Variants in P2RY14 observed in about 807,000 individuals in gnomAD.
P2RY14 encodes the protein purinergic receptor P2Y14, also known as P2Y purinoceptor 14.
P2RY14 carries 2 observed loss-of-function variants against 0.9 expected under a neutral mutation model. The ratio of observed to expected loss-of-function variants is 2.16; its 90% confidence interval spans 0.88 to 6.79. The LOEUF (loss-of-function observed/expected upper bound fraction) is 6.79. P2RY14 is among the 30% of genes most tolerant of loss of function. P2RY14 has a pLI of 0.05. For missense variants in P2RY14, 378 were observed against 400.1 expected (o/e 0.94, Z 0.47); for synonymous variants, 158 against 147.2 (o/e 1.07, Z -0.53).
chr3:151,229,473 ATT>A (rs59434401), intron 1 of P2RY14, among the ~76,000 whole-genome samples: 2,965 of 89,968 alleles, frequency 0.033, 35 homozygotes, highest in Middle Eastern at 0.065. Flanking sequence ...TGCCCGGCTA[ATT>A]TTTTTTTTTT....
At chr3:151,220,054 ATTAT>A (rs898126595) in intron 1 of P2RY14, among the ~76,000 whole-genome samples, 1 of 149,660 alleles carries the variant, frequency 6.7e-6, no homozygotes, top group Non-Finnish European at 1.5e-5. Context: ...GGGCCAGATA[ATTAT>A]TTATTTTTGG....
At position 151,275,266 on chromosome 3, in the gene P2RY14, A is replaced by C. The variant is rs1577206308; in HGVS notation, c.-133+3021T>G. Reference sequence around the variant, plus strand: ...ACAGATCGCTTTGGGCCAACCTCAGAAGCCAACTAACTGATCTTTTCCTCT... The same window carrying C: ...ACAGATCGCTTTGGGCCAACCTCAGCAGCCAACTAACTGATCTTTTCCTCT... On this transcript the variant is annotated intron_variant, in intron 1 of 2. Coordinates refer to ENST00000309170, the MANE Select transcript of P2RY14 (RefSeq NM_014879.4). 2.6e-5 allele frequency among the ~76,000 whole-genome samples: 4 copies of C among 152,254 alleles called. No individual in the cohort carries two copies. The South Asian group carries it at 8.3e-4, about 32-fold the overall frequency.
chr3:151,219,259 C>CT (rs1728853306), intron 2 of P2RY14, among the ~76,000 whole-genome samples: 1 of 152,212 alleles, frequency 6.6e-6, no homozygotes, highest in African/African-American at 2.4e-5. Flanking sequence ...TCAGGGTTCT[C>CT]TCTTTGGACA....
intron 1 of P2RY14, among the ~76,000 whole-genome samples, chr3:151,257,572 C>T (rs193263465): frequency 6.6e-6 from 1 of 152,184 alleles, no homozygotes; most frequent in African/African-American, 2.4e-5. Flanking sequence ...GAATATTGTT[C>T]TGTATGCCTG....
intron 1 of P2RY14, among the ~76,000 whole-genome samples, chr3:151,237,753 T>C (rs1015675274): frequency 6.6e-6 from 1 of 152,224 alleles, no homozygotes; most frequent in Non-Finnish European, 1.5e-5. Flanking sequence ...TCTTTTCAGA[T>C]TAAAAATTTT....
At chr3:151,235,873 A>C (rs983657419) in intron 1 of P2RY14, among the ~76,000 whole-genome samples, 6 of 152,066 alleles carry the variant, frequency 3.9e-5, no homozygotes, top group African/African-American at 1.4e-4. Context: ...CATCTAACAT[A>C]GCCATTCCCC....
chr3:151,252,369 G>A (rs912503951), intron 1 of P2RY14, among the ~76,000 whole-genome samples: 3 of 152,048 alleles, frequency 2.0e-5, no homozygotes, highest in African/African-American at 7.2e-5. Context: ...TCATCGCTAA[G>A]ATCTGATTTT....
chr3:151,216,494 A>G (rs541953551), intron 2 of P2RY14, among the ~76,000 whole-genome samples: 2 of 152,224 alleles, frequency 1.3e-5, no homozygotes, highest in Non-Finnish European at 2.9e-5. Context: ...TGCTTCCTAC[A>G]CAAGAATATC....
At chr3:151,217,610 G>GT (rs1293163082) in intron 2 of P2RY14, among the ~76,000 whole-genome samples, 2 of 152,204 alleles carry the variant, frequency 1.3e-5, no homozygotes, top group African/African-American at 2.4e-5. Flanking sequence ...AGGGTGGGAG[G>GT]TTTTAGACAT....
chr3:151,215,596 T>A (rs984905658), intron 2 of P2RY14, among the ~76,000 whole-genome samples: 5 of 152,228 alleles, frequency 3.3e-5, no homozygotes, highest in Admixed American at 6.5e-5. Context: ...TCCTGTATAT[T>A]CTTCACTGAT....
At chr3:151,245,985 CAGAG>C (rs1260637604) in intron 1 of P2RY14, among the ~76,000 whole-genome samples, 9 of 150,796 alleles carry the variant, frequency 6.0e-5, no homozygotes, top group Non-Finnish European at 1.2e-4. Context: ...AACAGACAAA[CAGAG>C]AGCCAAATCA....
intron 1 of P2RY14, among the ~76,000 whole-genome samples, chr3:151,242,366 A>C (rs1029153269): frequency 1.3e-5 from 2 of 152,236 alleles, no homozygotes; most frequent in African/African-American, 4.8e-5. Flanking sequence ...GCAGACTTAA[A>C]TGTCCCTGTC....
At chr3:151,250,534 T>G (rs1736645262) in intron 1 of P2RY14, among the ~76,000 whole-genome samples, 2 of 152,330 alleles carry the variant, frequency 1.3e-5, no homozygotes, top group Middle Eastern at 6.8e-3. Flanking sequence ...GTATTTGTCC[T>G]TTTTTGACTG....
intron 1 of P2RY14, among the ~76,000 whole-genome samples, chr3:151,264,327 GT>G (rs1379147802): frequency 1.3e-5 from 2 of 152,206 alleles, no homozygotes; most frequent in Non-Finnish European, 2.9e-5. Context: ...ATAAAATTAA[GT>G]AATTATTGGA....
Position 151,214,072 on chromosome 3 carries a change from G to C in P2RY14, c.245C>G (p.Ser82Ter). The C allele has an allele frequency of 1.2e-6, 2 of 1,614,158 alleles. No individual in the cohort carries two copies. The highest frequency in any genetic ancestry group is 1.7e-6 in the Non-Finnish European group (2 of 1,180,024). ...GTTCAGCTGCCAGGGACCAAGGCCTGAGTCACCAAGGATCTTGAAAGGAAA... is the reference window on the plus strand; with the variant it reads ...GTTCAGCTGCCAGGGACCAAGGCCTCAGTCACCAAGGATCTTGAAAGGAAA... ...LTFPFKILGDSGLGPWQLNVF... is the reference protein window; with the variant it reads ...LTFPFKILGD Residue 82 changes from serine to a stop codon, truncating the protein, a stop_gained, in exon 3 of 3, where the codon TCA becomes TGA. Coordinates refer to ENST00000309170, the MANE Select transcript of P2RY14 (RefSeq NM_014879.4). LOFTEE classifies it low-confidence loss of function (END_TRUNC).
At chr3:151,266,342 T>C (rs1739832341) in intron 1 of P2RY14, among the ~76,000 whole-genome samples, 1 of 152,222 alleles carries the variant, frequency 6.6e-6, no homozygotes, top group Non-Finnish European at 1.5e-5. Context: ...TATCACTGCA[T>C]GTGTCTGGAA....
chr3:151,252,116 CTCCCTCCCT>C (rs1736970204), intron 1 of P2RY14, among the ~76,000 whole-genome samples: 1 of 152,276 alleles, frequency 6.6e-6, no homozygotes, highest in South Asian at 2.1e-4. Flanking sequence ...CACCCATCCC[CTCCCTCCCT>C]ATGCAGGATA....
intron 1 of P2RY14, among the ~76,000 whole-genome samples, chr3:151,241,611 T>C (rs576122307): frequency 2.6e-5 from 4 of 152,282 alleles, no homozygotes; most frequent in East Asian, 1.9e-4. Context: ...GTGGGTTATA[T>C]ATATGTGTGT....
At chr3:151,239,291 G>A (rs1733593038) in intron 1 of P2RY14, among the ~76,000 whole-genome samples, 1 of 152,170 alleles carries the variant, frequency 6.6e-6, no homozygotes, top group Admixed American at 6.5e-5. Context: ...TCATTGACAT[G>A]GTTTTAGATC....
Sources: allele counts gnomAD v4.1 joint callset (sites outside exome capture counted in the v4.1 genomes callset), GRCh38; gene constraint gnomAD v4.1.1; transcripts MANE v1.5; gene names NCBI Gene and HGNC (gene_info 2026-07-23, HGNC 2026-07-21).